YJEFN3: variants seen among roughly 807,000 people sequenced by gnomAD.
The protein encoded by YJEFN3 is yjeF N-terminal domain-containing protein 3.
Under a neutral mutation model 31.5 loss-of-function variants are expected in YJEFN3, and 29 were observed. The ratio of observed to expected loss-of-function variants is 0.92; its 90% CI spans 0.69 to 1.26. The LOEUF (loss-of-function observed/expected upper bound fraction) is 1.26. Ranked by LOEUF, YJEFN3 falls within the 50% of genes most tolerant of loss-of-function variation. The probability of loss-of-function intolerance (pLI) is 0.00; values close to 1 mark genes in which losing one functional copy is unlikely to be tolerated. For synonymous variants in YJEFN3, 227 were observed against 196.1 expected (o/e 1.16, Z -1.32); for missense variants, 442 against 425.4 (o/e 1.04, Z -0.34).
At position 19,535,113 on chromosome 19, in the gene YJEFN3, G is replaced by A. The variant is rs753908756; in HGVS notation, c.398G>A (p.Gly133Glu). The A allele has an allele frequency of 6.2e-7, 1 of 1,611,164 alleles. No homozygotes were observed. The highest frequency in any genetic ancestry group is 1.1e-5 in the South Asian group (1 of 90,828). The change falls in exon 4 of 7, where the codon GGG becomes GAG. Residue 133 changes from glycine to glutamate, a missense_variant. By Grantham distance (98) the Gly-to-Glu change is moderately conservative (BLOSUM62 -2). Coordinates refer to ENST00000514277, the MANE Select transcript of YJEFN3 (RefSeq NM_198537.4). Reference protein sequence around the residue: ...VCGPEQNGAVGLVCARHLRVF... With the variant: ...VCGPEQNGAVELVCARHLRVF... ...GGCCCGGAGCAGAACGGGGCAGTGG[G>A]GCTGGTCTGTGCCCGGCACCTGCGG...
chr19:19,537,249 C>T (rs1038466925), intron 6 of YJEFN3, 70 bp from the exon 7 acceptor site: 14 of 1,391,060 alleles, frequency 1.0e-5, no homozygotes, highest in South Asian at 6.8e-5. Flanking sequence ...GAGGCAGGGA[C>T]AGGATGGACT....
rs777246541 is a variant in YJEFN3, at chr19:19,537,368, C to G, written c.744C>G (p.Asp248Glu). ...ATTCGGAGGACGGGCTGCGGCCTGA[C>G]GTGCTGGTGTCTCTCGCGGCGCCCA... ...GSDSEDGLRP[D>E]VLVSLAAPKR... is the part of the protein sequence containing the mutation. The change falls in exon 7 of 7, where the codon GAC (aspartate) becomes GAG (glutamate). Residue 248 changes from aspartate (D) to glutamate (E), a missense_variant. Coordinates refer to ENST00000514277, the MANE Select transcript of YJEFN3 (RefSeq NM_198537.4). 1.9e-6 allele frequency: 3 copies of G among 1,596,132 alleles called. No individual in the cohort carries two copies. The highest frequency in any genetic ancestry group is 2.5e-6 in the Non-Finnish European group (3 of 1,177,362).
intron 3 of YJEFN3, chr19:19,533,165 C>A: frequency 1.0e-6 from 1 of 1,001,000 alleles, no homozygotes; most frequent in African/African-American, 1.7e-5. Context: ...GGGATGGAAG[C>A]AGAGCTGCAA....
At position 19,537,534 on chromosome 19, in the gene YJEFN3, G is replaced by C; in HGVS notation, c.*10G>C. On this transcript the variant is annotated 3_prime_UTR_variant, in exon 7 of 7. Coordinates refer to ENST00000514277, the MANE Select transcript of YJEFN3 (RefSeq NM_198537.4). Reference sequence around the variant, plus strand: ...CGTCGCGGCACTGTGACCGCCACCCGCGGCCACACCGCAGGGACCCTCGCC... The same window carrying C: ...CGTCGCGGCACTGTGACCGCCACCCCCGGCCACACCGCAGGGACCCTCGCC... 2 of 1,543,416 alleles carry C rather than the reference G, an allele frequency of 1.3e-6. No individual in the cohort carries two copies. The highest frequency in any genetic ancestry group is 1.7e-6 in the Non-Finnish European group (2 of 1,146,948).
At chr19:19,533,792 C>T (rs1436477074) in intron 3 of YJEFN3, 6 of 985,324 alleles carry the variant, frequency 6.1e-6, no homozygotes, top group Non-Finnish European at 7.2e-6. Flanking sequence ...CAGAAAGAAA[C>T]CCAGTAGTCA....
chr19:19,531,556 C>T (rs2061155981), intron 2 of YJEFN3, among the ~76,000 whole-genome samples: 1 of 152,026 alleles, frequency 6.6e-6, no homozygotes, highest in African/African-American at 2.4e-5. Context: ...ACCGGGATTA[C>T]AGGTGTCCAC....
At chr19:19,533,190 G>C (rs2061174980) in intron 3 of YJEFN3, 2 of 995,448 alleles carry the variant, frequency 2.0e-6, no homozygotes, top group Admixed American at 1.2e-4. Flanking sequence ...GGTGTGTCTG[G>C]CTCTGGAGTA....
chr19:19,534,218 A>AC lies in YJEFN3; in HGVS notation c.319-816_319-815insC. 1 of 959,936 alleles carries AC rather than the reference A, an allele frequency of 1.0e-6. No homozygotes were observed. 59.5% of individuals were successfully genotyped at this position (959,936 alleles called of 1,614,324 possible). Reference sequence around the variant, plus strand: ...CAGAGACAGATGGAGAGAGACAGATAACAGAGAGATACAGAGACAGCCAGA... The same window carrying AC: ...CAGAGACAGATGGAGAGAGACAGATACACAGAGAGATACAGAGACAGCCAGA... On this transcript the variant is annotated intron_variant, in intron 3 of 6. Transcript: ENST00000514277. The surrounding 1 kb of genome is among the most constrained non-coding windows in gnomAD (Gnocchi z 4.6).
chr19:19,530,702 T>C (rs1691712720), intron 2 of YJEFN3, among the ~76,000 whole-genome samples: 1 of 152,200 alleles, frequency 6.6e-6, no homozygotes, highest in African/African-American at 2.4e-5. Flanking sequence ...GGAGCTGCGC[T>C]GGCCTGCCCC....
intron 3 of YJEFN3, chr19:19,533,275 G>A (rs1271412531): frequency 9.1e-6 from 9 of 986,176 alleles, no homozygotes; most frequent in South Asian, 9.4e-5. Flanking sequence ...GTGCTTCACC[G>A]TGCAGCCAGC....
At chr19:19,533,069 C>A in intron 3 of YJEFN3, 1 of 1,124,948 alleles carries the variant, frequency 8.9e-7, no homozygotes, top group Non-Finnish European at 1.1e-6. Flanking sequence ...TCTGCTCCTG[C>A]GATCTGAACA....
intron 3 of YJEFN3, chr19:19,532,954 T>G (rs2144661228): frequency 1.0e-5 from 13 of 1,295,424 alleles, no homozygotes; most frequent in African/African-American, 1.5e-5. Flanking sequence ...AAGGCCAGGG[T>G]GGAGGTTATT....
chr19:19,528,960 T>G lies in YJEFN3; in HGVS notation c.28T>G (p.Ser10Ala). 1.3e-6 allele frequency: 2 copies of G among 1,549,886 alleles called. No homozygotes were observed. The highest frequency in any genetic ancestry group is 1.7e-6 in the Non-Finnish European group (2 of 1,146,680). The change falls in exon 1 of 7, where the codon TCG (serine) becomes GCG (alanine). Residue 10 changes from serine to alanine, a missense_variant. By Grantham distance (99) the Ser-to-Ala change is moderately conservative (BLOSUM62 1). Transcript: ENST00000514277. ...GAGCAGCGCAGCCGGCCCAGACCCG[T>G]CGGAGGCGCCCGAAGAGCGGCATTT... MSSAAGPDPSEAPEERHFLR... is the reference protein window; with the variant it reads MSSAAGPDPAEAPEERHFLR...
rs1454126251 is a variant in YJEFN3, at chr19:19,534,917, T to C, written c.319-117T>C. On this transcript the variant is annotated intron_variant, in intron 3 of 6. Coordinates refer to ENST00000514277, the MANE Select transcript of YJEFN3 (RefSeq NM_198537.4). This position sits in a 1 kb window ranked among gnomAD's most constrained non-coding sequence, Gnocchi z 4.6. Reference sequence around the variant, plus strand: ...CCAGAACAGCTCACCTCCTGTCCTATCCTGTTGCCTCCAGGCCCAAGCCCC... The same window carrying C: ...CCAGAACAGCTCACCTCCTGTCCTACCCTGTTGCCTCCAGGCCCAAGCCCC... 6 of 826,666 alleles carry C rather than the reference T, an allele frequency of 7.3e-6. No individual in the cohort carries two copies. The highest frequency in any genetic ancestry group is 1.7e-5 in the African/African-American group (1 of 58,648). 51.2% of individuals were successfully genotyped at this position (826,666 alleles called of 1,614,324 possible). A position where few individuals can be genotyped will look rare whatever the true frequency, so the allele number is the denominator to read the frequency against.
At position 19,535,636 on chromosome 19, in the gene YJEFN3, C is replaced by T. The variant is rs745860311; in HGVS notation, c.651C>T (p.Leu217=). 144 of 1,585,004 alleles carry T rather than the reference C, an allele frequency of 9.1e-5. No individual in the cohort carries two copies. Among genetic ancestry groups the T allele is most frequent in the Non-Finnish European group, 1.2e-4 (138 of 1,166,270 alleles). ...CCTGCACCCGCGCGCTGGCCACGCT[C>T]AAGCTGCTGTCCATCCCCCTCGTGA... ...GGPCTRALAT[L]KLLSIPLVSL... is the part of the protein sequence containing the mutation. The change falls in exon 6 of 7, where the codon CTC becomes CTT. Residue 217 remains leucine (L), a synonymous_variant. Transcript: ENST00000514277.
At chr19:19,533,683 A>C (rs2061180497) in intron 3 of YJEFN3, 1 of 985,120 alleles carries the variant, frequency 1.0e-6, no homozygotes, top group Admixed American at 6.2e-5. Flanking sequence ...ATACTTTTTA[A>C]AAACTCAATG....
intron 3 of YJEFN3, chr19:19,533,677 T>G: frequency 1.0e-6 from 1 of 985,376 alleles, no homozygotes; most frequent in Non-Finnish European, 1.2e-6. Flanking sequence ...CACGGTATAC[T>G]TTTTAAAAAC....
At chr19:19,533,883 A>C in intron 3 of YJEFN3, 6 of 985,504 alleles carry the variant, frequency 6.1e-6, no homozygotes, top group Non-Finnish European at 6.0e-6. Context: ...CCTCAGTCCC[A>C]GTCTTGGGTC....
At position 19,535,580 on chromosome 19, in the gene YJEFN3, C is replaced by A; in HGVS notation, c.595C>A (p.Pro199Thr). 1 of 1,582,280 alleles carries A rather than the reference C, an allele frequency of 6.3e-7. No individual in the cohort carries two copies. Among genetic ancestry groups the A allele is most frequent in the East Asian group, 2.2e-5 (1 of 44,574 alleles). Residue 199 changes from proline (P) to threonine (T), a missense_variant, in exon 6 of 7, where the codon CCC becomes ACC. By Grantham distance (38) the Pro-to-Thr change is conservative. Transcript: ENST00000514277. Reference protein sequence around the residue: ...YGLVVDAVLGPGVEPGEVGGP... With the variant: ...YGLVVDAVLGTGVEPGEVGGP... ...GCTGGTGGTGGATGCCGTACTGGGC[C>A]CCGGCGTGGAGCCGGGCGAGGTCGG...
Sources: gnomAD v4.1 joint callset for allele counts (sites outside exome capture counted in the v4.1 genomes callset) on GRCh38, gnomAD v4.1.1 for gene constraint, Gnocchi (gnomAD v3.1) non-coding constraint, MANE v1.5 for transcripts, NCBI Gene and HGNC (gene_info 2026-07-23, HGNC 2026-07-21) for gene names.